Variants in FMN2 observed in about 807,000 individuals in gnomAD.
The protein encoded by FMN2 is formin-2.
In FMN2, 51 loss-of-function variants were observed where a neutral mutation model predicts 142.3. The ratio of observed to expected loss-of-function variants is 0.36; its 90% confidence interval spans 0.29 to 0.45. FMN2 has a LOEUF of 0.45. FMN2 is among the 20% of genes least tolerant of loss of function. The probability of loss-of-function intolerance (pLI) is 1.00; values close to 1 mark genes in which losing one functional copy is unlikely to be tolerated. For missense variants in FMN2, 1,936 were observed against 2,122.8 expected (o/e 0.91, Z 1.73); for synonymous variants, 882 against 869.8 (o/e 1.01, Z -0.25).
intron 15 of FMN2, among the ~76,000 whole-genome samples, chr1:240,402,575 C>T (rs933911664): frequency 2.6e-5 from 4 of 152,200 alleles, no homozygotes; most frequent in East Asian, 3.9e-4. Context: ...AGATGGATTT[C>T]GGCAGAATAT....
At chr1:240,462,506 A>C (rs1676478131) in intron 16 of FMN2, among the ~76,000 whole-genome samples, 1 of 152,248 alleles carries the variant, frequency 6.6e-6, no homozygotes, top group Non-Finnish European at 1.5e-5. Context: ...ACATTGCTGA[A>C]GAGTTCACCG....
intron 2 of FMN2, among the ~76,000 whole-genome samples, chr1:240,158,310 A>T (rs1358516783): frequency 6.6e-6 from 1 of 152,180 alleles, no homozygotes; most frequent in African/African-American, 2.4e-5. Flanking sequence ...GGCTGGAGGT[A>T]GGAGAACCTT....
chr1:240,233,846 C>T (rs527818430), intron 6 of FMN2, among the ~76,000 whole-genome samples: 2 of 152,092 alleles, frequency 1.3e-5, no homozygotes, highest in Non-Finnish European at 2.9e-5. Context: ...CCCCCTCCCT[C>T]CTTAACAAGC....
intron 14 of FMN2, among the ~76,000 whole-genome samples, chr1:240,374,090 G>A (rs1449679561): frequency 2.0e-5 from 3 of 152,168 alleles, no homozygotes. Context: ...TCAATGTGCT[G>A]TAATATTTTG....
intron 13 of FMN2, among the ~76,000 whole-genome samples, chr1:240,339,094 T>C (rs1386634589): frequency 6.6e-6 from 1 of 152,136 alleles, no homozygotes; most frequent in East Asian, 1.9e-4. Context: ...CGGCTATAAA[T>C]ACAGATGAAG....
intron 2 of FMN2, among the ~76,000 whole-genome samples, chr1:240,128,808 CATT>C (rs1662616005): frequency 6.6e-6 from 1 of 152,160 alleles, no homozygotes; most frequent in South Asian, 2.1e-4. Context: ...ATGCTCTACT[CATT>C]GTTACCGTAG....
intron 8 of FMN2, among the ~76,000 whole-genome samples, chr1:240,309,501 G>A (rs1234915758): frequency 6.6e-6 from 1 of 152,158 alleles, no homozygotes; most frequent in Non-Finnish European, 1.5e-5. Flanking sequence ...GTCTGCATTG[G>A]AGGCAAACTG....
rs1033789306 is a variant in FMN2 at position 240,093,360 on chromosome 1, C to G, written c.1251C>G (p.Cys417Trp). Reference sequence around the variant, plus strand: ...AGCCCTACCCGCTCATCACCCCCTGCTACATCAAGACCACCACCCGGCAGC... The same window carrying G: ...AGCCCTACCCGCTCATCACCCCCTGGTACATCAAGACCACCACCCGGCAGC... ...CFKPYPLITP[C>W]YIKTTTRQLS... The change falls in exon 1 of 18, where the codon TGC (cysteine) becomes TGG (tryptophan). Residue 417 changes from cysteine to tryptophan, a missense_variant. By Grantham distance (215) the Cys-to-Trp change is radical. Transcript: ENST00000319653. 1 of 1,613,326 alleles carries G rather than the reference C, an allele frequency of 6.2e-7. No individual in the cohort carries two copies. The highest frequency in any genetic ancestry group is 8.5e-7 in the Non-Finnish European group (1 of 1,179,644).
At chr1:240,142,230 C>T (rs1302065945) in intron 2 of FMN2, among the ~76,000 whole-genome samples, 3 of 152,000 alleles carry the variant, frequency 2.0e-5, no homozygotes, top group African/African-American at 4.8e-5. Flanking sequence ...TATATTGAGG[C>T]TCCTGCTGAC....
intron 2 of FMN2, among the ~76,000 whole-genome samples, chr1:240,151,630 G>T (rs185898234): frequency 4.1e-4 from 63 of 152,214 alleles, no homozygotes; most frequent in African/African-American, 1.5e-3. Flanking sequence ...AAATCTTTAT[G>T]ATAGGCATTT....
At position 240,453,938 on chromosome 1, in the gene FMN2, G is replaced by A. The variant is rs1676141202; in HGVS notation, c.5060+15728G>A. On this transcript the variant is annotated intron_variant, in intron 16 of 17. Coordinates refer to ENST00000319653, the MANE Select transcript of FMN2 (RefSeq NM_020066.5). ...CGGGAAGCGGAGCTTGCAGTGAGCC[G>A]AGATTGCGCCACTGCAGTCCGCAGT... is the stretch of plus-strand genomic sequence containing the variant. 2.4e-5 allele frequency among the ~76,000 whole-genome samples: 2 copies of A among 83,894 alleles called. 1 individual carries two copies. The highest frequency in any genetic ancestry group is 5.2e-5 in the Non-Finnish European group (2 of 38,588). The allele number at this position is 83,894 out of a possible 152,430, so 55.0% of individuals were successfully genotyped here. A position where few individuals can be genotyped will look rare whatever the true frequency, so the allele number is the denominator to read the frequency against.
At chr1:240,214,389 A>G (rs1463123034) in intron 6 of FMN2, among the ~76,000 whole-genome samples, 1 of 151,932 alleles carries the variant, frequency 6.6e-6, no homozygotes, top group East Asian at 1.9e-4. Flanking sequence ...GTCTCTACTA[A>G]AAATACAAAA....
At chr1:240,172,890 A>G (rs1046091264) in intron 2 of FMN2, among the ~76,000 whole-genome samples, 1 of 151,984 alleles carries the variant, frequency 6.6e-6, no homozygotes, top group African/African-American at 2.4e-5. Context: ...TTTACTTGAT[A>G]AATGTGTTAA....
intron 4 of FMN2, among the ~76,000 whole-genome samples, chr1:240,205,355 ATGTT>A (rs1272105067): frequency 4.7e-5 from 7 of 150,206 alleles, no homozygotes; most frequent in East Asian, 2.0e-4. Flanking sequence ...TTGTCTTCCT[ATGTT>A]TGTTTGTCTT....
At chr1:240,186,662 G>C (rs1191126310) in intron 3 of FMN2, among the ~76,000 whole-genome samples, 1 of 152,134 alleles carries the variant, frequency 6.6e-6, no homozygotes, top group Non-Finnish European at 1.5e-5. Flanking sequence ...TAGCCACTGT[G>C]GCTTTGGCGG....
At chr1:240,361,720 G>A (rs1417024225) in intron 14 of FMN2, among the ~76,000 whole-genome samples, 1 of 152,224 alleles carries the variant, frequency 6.6e-6, no homozygotes, top group Non-Finnish European at 1.5e-5. Context: ...CAGTGGACAT[G>A]TGGGTATATG....
intron 15 of FMN2, among the ~76,000 whole-genome samples, chr1:240,429,987 G>A (rs112390215): frequency 0.064 from 9,646 of 151,332 alleles, 1,048 homozygotes; most frequent in African/African-American, 0.22. Context: ...CCGGGTCCAC[G>A]CCATTCTCCT....
At chr1:240,128,204 G>C (rs1024702809) in intron 2 of FMN2, among the ~76,000 whole-genome samples, 6 of 152,082 alleles carry the variant, frequency 3.9e-5, no homozygotes, top group Non-Finnish European at 5.9e-5. Flanking sequence ...CTGAAGCTAG[G>C]CTTCTTTGTG....
intron 7 of FMN2, among the ~76,000 whole-genome samples, chr1:240,261,533 A>G (rs773554819): frequency 2.6e-5 from 4 of 152,132 alleles, no homozygotes; most frequent in African/African-American, 4.8e-5. Context: ...TTTATATTTC[A>G]AAGTGCTCCA....
Sources: allele counts gnomAD v4.1 joint callset (sites outside exome capture counted in the v4.1 genomes callset), GRCh38; gene constraint gnomAD v4.1.1; transcripts MANE v1.5; gene names NCBI Gene and HGNC (gene_info 2026-07-23, HGNC 2026-07-21).